Variants in XKR6 observed in about 807,000 individuals in gnomAD.
XKR6 encodes XK-related protein 6.
Under a neutral mutation model 56.7 loss-of-function variants are expected in XKR6, and 22 were observed. The ratio of observed to expected loss-of-function variants is 0.39; its 90% CI spans 0.28 to 0.55. The LOEUF (loss-of-function observed/expected upper bound fraction) is 0.55. XKR6 is among the 20% of genes least tolerant of loss of function. The pLI, the probability that XKR6 is intolerant of heterozygous loss-of-function variation, is 0.66. For missense variants in XKR6, 852 were observed against 889.0 expected, an observed-to-expected ratio of 0.96 and a Z score of 0.53; for synonymous variants, 524 against 387.8, an observed-to-expected ratio of 1.35 and a Z score of -4.13.
chr8:10,929,120 C>G (rs1015461029), intron 1 of XKR6, among the ~76,000 whole-genome samples: 5 of 152,192 alleles, frequency 3.3e-5, no homozygotes, highest in Non-Finnish European at 7.3e-5. Context: ...CCTCTGTCAA[C>G]ATCTTATAAC....
At chr8:11,121,822 T>C (rs1799470629) in intron 1 of XKR6, among the ~76,000 whole-genome samples, 1 of 152,206 alleles carries the variant, frequency 6.6e-6, no homozygotes, top group Admixed American at 6.5e-5. Context: ...TAAGAAAATG[T>C]GGCACATATA....
chr8:11,199,506 C>A (rs560990508), intron 1 of XKR6, among the ~76,000 whole-genome samples: 1 of 152,336 alleles, frequency 6.6e-6, no homozygotes, highest in South Asian at 2.1e-4. Context: ...AAGCCATGCA[C>A]TTGAAGAGCT....
At chr8:10,986,879 C>A (rs924425481) in intron 1 of XKR6, among the ~76,000 whole-genome samples, 1 of 151,842 alleles carries the variant, frequency 6.6e-6, no homozygotes, top group African/African-American at 2.4e-5. Context: ...GGGCTCAAGC[C>A]TTCTGCCTCA....
At chr8:10,899,054 C>T (rs569200725) in intron 2 of XKR6, 138 bp from the exon 3 acceptor site, 39 of 1,352,386 alleles carry the variant, frequency 2.9e-5, no homozygotes, top group South Asian at 1.3e-4. Context: ...AATCAGGAAC[C>T]GAACTTGGAG....
At chr8:10,955,796 G>A (rs1280177452) in intron 1 of XKR6, among the ~76,000 whole-genome samples, 2 of 152,178 alleles carry the variant, frequency 1.3e-5, no homozygotes, top group Non-Finnish European at 2.9e-5. Flanking sequence ...GAGGCTCACT[G>A]TAACAGAGGT....
At chr8:11,115,103 G>C (rs560416520) in intron 1 of XKR6, among the ~76,000 whole-genome samples, 2 of 152,248 alleles carry the variant, frequency 1.3e-5, no homozygotes, top group Admixed American at 6.5e-5. Flanking sequence ...TAGGAGGGCA[G>C]TATGTATTAA....
At chr8:11,166,740 T>A (rs1390690429) in intron 1 of XKR6, among the ~76,000 whole-genome samples, 1 of 152,004 alleles carries the variant, frequency 6.6e-6, no homozygotes, top group Non-Finnish European at 1.5e-5. Context: ...ACCAAGCTAA[T>A]TTTTGTGTTT....
At chr8:11,127,138 A>G (rs978497940) in intron 1 of XKR6, among the ~76,000 whole-genome samples, 4 of 151,948 alleles carry the variant, frequency 2.6e-5, no homozygotes, top group African/African-American at 9.7e-5. Context: ...TGAATAACCA[A>G]CTCCCTTCCG....
rs541873840 is a variant in XKR6, at chr8:11,033,051, T to C, written c.765-108221A>G. ...ATGATGGTAATAATGATGAAGATGATGATGATGGTAATGTGGTGGTGACGA... is the reference window on the plus strand; with the variant it reads ...ATGATGGTAATAATGATGAAGATGACGATGATGGTAATGTGGTGGTGACGA... On this transcript the variant is annotated intron_variant, in intron 1 of 2. Coordinates refer to ENST00000416569, the MANE Select transcript of XKR6 (RefSeq NM_173683.4). Among the ~76,000 whole-genome samples, 3 of 151,936 alleles carry C rather than the reference T, an allele frequency of 2.0e-5. No individual in the cohort carries two copies. The South Asian group carries it at 6.2e-4, about 32-fold the overall frequency.
chr8:11,194,872 T>A, intron 1 of XKR6: 1 of 463,258 alleles, frequency 2.2e-6, no homozygotes, highest in Non-Finnish European at 3.8e-6. Context: ...TTTTGACACT[T>A]TGTTTCTGGA....
At position 11,201,240 on chromosome 8, in the gene XKR6, G is replaced by A; in HGVS notation, c.100C>T (p.Pro34Ser). ...CCGCCGCCGCAGCCGCCTCCCCCGG[G>A]CTCCCCGTCCTCCTCGCCGCCGCTG... ...VGSGGEEDGE[P>S]GGGGCGGGGD... The change falls in exon 1 of 3, where the codon CCC (proline) becomes TCC (serine). Residue 34 changes from proline (P) to serine (S), a missense_variant. Physicochemically the swap from Pro to Ser is moderately conservative, Grantham distance 74 (BLOSUM62 -1). Around this residue, in one of 4 missense-constraint regions of XKR6, gnomAD observed 417 missense variants for 355.2 expected, o/e 1.17. Coordinates refer to ENST00000416569, the MANE Select transcript of XKR6 (RefSeq NM_173683.4). The A allele has an allele frequency of 2.6e-6, 4 of 1,559,614 alleles. No homozygotes were observed. The highest frequency in any genetic ancestry group is 3.4e-6 in the Non-Finnish European group (4 of 1,162,022).
intron 1 of XKR6, among the ~76,000 whole-genome samples, chr8:10,941,038 A>T (rs1424634107): frequency 2.0e-5 from 3 of 152,034 alleles, no homozygotes; most frequent in Non-Finnish European, 2.9e-5. Flanking sequence ...CCCAGGGAGG[A>T]GGTGAGGGGG....
intron 1 of XKR6, among the ~76,000 whole-genome samples, chr8:10,946,138 G>A (rs1243427262): frequency 6.6e-6 from 1 of 152,016 alleles, no homozygotes; most frequent in Non-Finnish European, 1.5e-5. Context: ...ACCTCCCTGT[G>A]TCACTCTGCC....
chr8:11,126,458 ATTTTT>A (rs879509590), intron 1 of XKR6, among the ~76,000 whole-genome samples: 69 of 149,010 alleles, frequency 4.6e-4, no homozygotes, highest in African/African-American at 1.5e-3. Context: ...CAGTTCTTGA[ATTTTT>A]TTTTTTAAGT....
At chr8:11,101,393 A>G (rs1428143104) in intron 1 of XKR6, among the ~76,000 whole-genome samples, 4 of 152,240 alleles carry the variant, frequency 2.6e-5, no homozygotes, top group Admixed American at 6.5e-5. Flanking sequence ...AAGGAATCTG[A>G]AATGACAATG....
At chr8:10,975,760 A>G (rs1036929901) in intron 1 of XKR6, among the ~76,000 whole-genome samples, 1 of 152,230 alleles carries the variant, frequency 6.6e-6, no homozygotes, top group Non-Finnish European at 1.5e-5. Context: ...GCCGAGTCAC[A>G]CTGTGTCTGC....
intron 1 of XKR6, among the ~76,000 whole-genome samples, chr8:11,184,042 C>A (rs769550040): frequency 6.6e-6 from 1 of 151,968 alleles, no homozygotes. Flanking sequence ...GCAAATATAA[C>A]GAAAAGTGTT....
Position 11,197,839 on chromosome 8 carries a change from C to T in XKR6, c.764+2737G>A, listed in dbSNP as rs1563213944. Among the ~76,000 whole-genome samples, 3 of 150,816 alleles carry T rather than the reference C, an allele frequency of 2.0e-5. No individual in the cohort carries two copies. The South Asian group carries it at 6.3e-4, about 32-fold the overall frequency. On this transcript the variant is annotated intron_variant, in intron 1 of 2. Coordinates refer to ENST00000416569, the MANE Select transcript of XKR6 (RefSeq NM_173683.4). The stretch of plus-strand genomic sequence containing the variant: ...GCAGAGAAGTGCCCCACTTTAATAT[C>T]GAGGGAAACTAAGTTTTATTAAATC...
At chr8:11,062,753 T>C in intron 1 of XKR6, 1 of 456,306 alleles carries the variant, frequency 2.2e-6, no homozygotes, top group South Asian at 1.5e-5. Flanking sequence ...AACAGCTACG[T>C]ACTTACAGAA....
Sources: allele counts gnomAD v4.1 joint callset (sites outside exome capture counted in the v4.1 genomes callset), GRCh38; gene constraint gnomAD v4.1.1; regional missense constraint gnomAD v4.1.1; transcripts MANE v1.5; gene names NCBI Gene and HGNC (gene_info 2026-07-23, HGNC 2026-07-21).